Variants in CHL1 observed in about 807,000 individuals in gnomAD.
The protein encoded by CHL1 is neural cell adhesion molecule L1-like protein.
Under a neutral mutation model 141.9 loss-of-function variants are expected in CHL1, and 96 were observed. The ratio of observed to expected loss-of-function variants is 0.68; its 90% CI spans 0.57 to 0.80. The LOEUF is 0.80. CHL1 is among the 30% of genes least tolerant of loss of function. CHL1 has a pLI of 0.00. For missense variants in CHL1, 1,820 were observed against 1,457.2 expected, an observed-to-expected ratio of 1.25 and a Z score of -4.05; for synonymous variants, 613 against 502.2, an observed-to-expected ratio of 1.22 and a Z score of -2.95.
intron 3 of CHL1, among the ~76,000 whole-genome samples, chr3:320,799 C>A (rs1030503753): frequency 7.9e-5 from 12 of 152,004 alleles, no homozygotes; most frequent in Admixed American, 2.0e-4. Flanking sequence ...GTATTACATG[C>A]ATATGGGTTC....
intron 15 of CHL1, among the ~76,000 whole-genome samples, chr3:373,181 G>A (rs972326846): frequency 1.3e-5 from 2 of 152,236 alleles, no homozygotes; most frequent in African/African-American, 4.8e-5. Flanking sequence ...GGGCTGCCTG[G>A]ATTCCTCAGA....
intron 7 of CHL1, among the ~76,000 whole-genome samples, chr3:342,470 T>G (rs960602024): frequency 6.6e-6 from 1 of 152,216 alleles, no homozygotes; most frequent in East Asian, 1.9e-4. Context: ...AGATGGAAAT[T>G]TGTATCACCA....
chr3:332,835 T>C (rs954955913), intron 5 of CHL1, among the ~76,000 whole-genome samples: 1 of 152,190 alleles, frequency 6.6e-6, no homozygotes, highest in African/African-American at 2.4e-5. Context: ...AGATAAAATA[T>C]CTTTTGTAGG....
rs1405855605 is a variant in CHL1 at position 340,280 on chromosome 3, G to C, written c.386-514G>C. 4.6e-5 allele frequency among the ~76,000 whole-genome samples: 7 copies of C among 152,212 alleles called. No homozygotes were observed. In the South Asian group the frequency reaches 8.3e-4, roughly 18 times the overall value. On this transcript the variant is annotated intron_variant, in intron 5 of 27. Coordinates refer to ENST00000256509, the MANE Select transcript of CHL1 (RefSeq NM_006614.4). Reference sequence around the variant, plus strand: ...TTTGCAACTTAAAGTGGTCAAATTTGGCTTTCCATTGCATTCTTACCATTT... The same window carrying C: ...TTTGCAACTTAAAGTGGTCAAATTTCGCTTTCCATTGCATTCTTACCATTT...
At chr3:236,680 A>G (rs1316579369) in intron 1 of CHL1, among the ~76,000 whole-genome samples, 1 of 151,650 alleles carries the variant, frequency 6.6e-6, no homozygotes, top group African/African-American at 2.4e-5. Context: ...AAAACATTAT[A>G]CTGACATTTT....
chr3:372,493 A>G (rs1448352923), intron 15 of CHL1, among the ~76,000 whole-genome samples: 2 of 152,080 alleles, frequency 1.3e-5, no homozygotes, highest in Non-Finnish European at 2.9e-5. Context: ...TGGTTATTCT[A>G]GTTAGCAGCT....
chr3:232,051 G>C (rs1701911439), intron 1 of CHL1, among the ~76,000 whole-genome samples: 1 of 152,082 alleles, frequency 6.6e-6, no homozygotes, highest in Admixed American at 6.6e-5. Context: ...ATCAGTATTT[G>C]GCAGGAAGAC....
intron 2 of CHL1, among the ~76,000 whole-genome samples, chr3:283,582 T>C (rs1696851361): frequency 6.6e-6 from 1 of 152,228 alleles, no homozygotes; most frequent in African/African-American, 2.4e-5. Context: ...TGTTAGCATA[T>C]GATAGTTGTC....
At chr3:279,499 G>T (rs1696447032) in intron 2 of CHL1, among the ~76,000 whole-genome samples, 1 of 152,140 alleles carries the variant, frequency 6.6e-6, no homozygotes, top group African/African-American at 2.4e-5. Context: ...TCACTACCAA[G>T]TCTAGGGAAC....
At position 340,740 on chromosome 3, in the gene CHL1, G is replaced by A. The variant is rs1248136150; in HGVS notation, c.386-54G>A. On this transcript the variant is annotated intron_variant, in intron 5 of 27. Coordinates refer to ENST00000256509, the MANE Select transcript of CHL1 (RefSeq NM_006614.4). Reference sequence around the variant, plus strand: ...AAAAGAACATATTAAGATATTTGTTGTTATAGTCAAAGTTAATTTTAAAAT... The same window carrying A: ...AAAAGAACATATTAAGATATTTGTTATTATAGTCAAAGTTAATTTTAAAAT... The A allele has an allele frequency of 2.2e-6, 3 of 1,394,294 alleles. No homozygotes were observed. In the African/African-American group the frequency reaches 4.4e-5, roughly 20 times the overall value. The allele number at this position is 1,394,294 out of a possible 1,614,324, so 86.4% of individuals were successfully genotyped here.
intron 15 of CHL1, chr3:376,475 G>C (rs928298090): frequency 2.0e-6 from 1 of 497,156 alleles, no homozygotes; most frequent in Non-Finnish European, 4.0e-6. Flanking sequence ...GGCACCCAAC[G>C]TTGATTAATT....
intron 1 of CHL1, among the ~76,000 whole-genome samples, chr3:229,787 C>T (rs1411916044): frequency 1.3e-5 from 2 of 152,280 alleles, no homozygotes; most frequent in African/African-American, 4.8e-5. Flanking sequence ...GTTGACTGTG[C>T]ACAGTTTAGA....
intron 10 of CHL1, among the ~76,000 whole-genome samples, chr3:354,422 A>G (rs1203862574): frequency 1.3e-5 from 1 of 76,904 alleles, no homozygotes; most frequent in African/African-American, 3.1e-5. Flanking sequence ...CTGAGTCCAA[A>G]TTAAACACAA....
At chr3:306,826 C>T (rs1309859294) in intron 2 of CHL1, among the ~76,000 whole-genome samples, 1 of 152,140 alleles carries the variant, frequency 6.6e-6, no homozygotes, top group Non-Finnish European at 1.5e-5. Flanking sequence ...CTATTAATGT[C>T]ATATTCAAAT....
chr3:268,266 G>T (rs1175857234), intron 2 of CHL1, among the ~76,000 whole-genome samples: 2 of 152,204 alleles, frequency 1.3e-5, no homozygotes, highest in African/African-American at 4.8e-5. Flanking sequence ...AGGCACAGTG[G>T]CTCACTCCTA....
Position 340,847 on chromosome 3 carries a change from G to C in CHL1, c.439G>C (p.Asp147His). The stretch of plus-strand genomic sequence containing the variant: ...TGACCCTCTTGAAGTGGAGGAGGGA[G>C]ATCCAATTGTCCTCCCATGCAATCC... ...KIDPLEVEEG[D>H]PIVLPCNPPK... The change falls in exon 6 of 28, where the codon GAT becomes CAT. Residue 147 changes from aspartate (D) to histidine (H), a missense_variant. Physicochemically the swap from Asp to His is moderately conservative, Grantham distance 81. Coordinates refer to ENST00000256509, the MANE Select transcript of CHL1 (RefSeq NM_006614.4). 2 of 1,611,680 alleles carry C rather than the reference G, an allele frequency of 1.2e-6. No homozygotes were observed. The highest frequency in any genetic ancestry group is 1.7e-6 in the Non-Finnish European group (2 of 1,177,998).
chr3:197,753 G>T (rs750325407), intron 1 of CHL1: 1 of 455,564 alleles, frequency 2.2e-6, no homozygotes, highest in South Asian at 1.6e-5. Context: ...ACCGCCGAGG[G>T]GCGAGAGGGC....
At chr3:199,608 A>G (rs1161370059) in intron 1 of CHL1, among the ~76,000 whole-genome samples, 3 of 152,226 alleles carry the variant, frequency 2.0e-5, no homozygotes, top group Non-Finnish European at 4.4e-5. Flanking sequence ...AATTTTTAAA[A>G]TCATTTGATT....
chr3:226,526 C>G (rs4685477), intron 1 of CHL1, among the ~76,000 whole-genome samples: 1 of 150,876 alleles, frequency 6.6e-6, no homozygotes, highest in Non-Finnish European at 1.5e-5. Flanking sequence ...ACTGCATCAC[C>G]GCAACCTCCA....
Sources: allele counts gnomAD v4.1 joint callset (sites outside exome capture counted in the v4.1 genomes callset), GRCh38; gene constraint gnomAD v4.1.1; transcripts MANE v1.5; gene names NCBI Gene and HGNC (gene_info 2026-07-23, HGNC 2026-07-21).